RAB27A: variants seen among roughly 807,000 people sequenced by gnomAD.
RAB27A encodes the protein ras-related protein Rab-27A.
In RAB27A, 17 loss-of-function variants were observed where a neutral mutation model predicts 20.8. The observed-to-expected ratio is 0.82, with a 90% CI of 0.56 to 1.23. RAB27A has a LOEUF of 1.23. Ranked by LOEUF, RAB27A falls within the 50% of genes most tolerant of loss-of-function variation. The pLI, the probability that RAB27A is intolerant of heterozygous loss-of-function variation, is 0.00. For missense variants in RAB27A, 277 were observed against 266.7 expected (o/e 1.04, Z -0.27); for synonymous variants, 85 against 92.8 (o/e 0.92, Z 0.48).
chr15:55,303,272 C>T (rs2054982151), intron 2 of RAB27A, among the ~76,000 whole-genome samples: 1 of 112,460 alleles, frequency 8.9e-6, no homozygotes, highest in Non-Finnish European at 1.8e-5. Flanking sequence ...GGGGTCAGCC[C>T]CCCGCCTGGC....
At chr15:55,214,322 G>C (rs1895175324) in intron 6 of RAB27A, among the ~76,000 whole-genome samples, 1 of 152,180 alleles carries the variant, frequency 6.6e-6, no homozygotes, top group Non-Finnish European at 1.5e-5. Context: ...TGTAGTCCCA[G>C]CTACTCGGGA....
intron 2 of RAB27A, among the ~76,000 whole-genome samples, chr15:55,263,599 A>G (rs542350347): frequency 6.6e-6 from 1 of 152,362 alleles, no homozygotes; most frequent in East Asian, 1.9e-4. Context: ...AAAAATGCCA[A>G]GTATCTGAAG....
intron 2 of RAB27A, among the ~76,000 whole-genome samples, chr15:55,238,780 G>T (rs1253208550): frequency 6.6e-6 from 1 of 152,128 alleles, no homozygotes; most frequent in East Asian, 1.9e-4. Flanking sequence ...ATCCTTTTTG[G>T]CTGGTTCTAA....
At chr15:55,232,993 C>T (rs1337865104) in intron 3 of RAB27A, among the ~76,000 whole-genome samples, 5 of 151,980 alleles carry the variant, frequency 3.3e-5, no homozygotes, top group African/African-American at 7.3e-5. Flanking sequence ...GGTGTGGTGG[C>T]GGGTGCCTGT....
At chr15:55,285,890 C>T (rs1898138912) in intron 1 of RAB27A, among the ~76,000 whole-genome samples, 1 of 152,206 alleles carries the variant, frequency 6.6e-6, no homozygotes, top group Non-Finnish European at 1.5e-5. Flanking sequence ...CCAGTTTGCC[C>T]AGGATATAGA....
chr15:55,209,091 A>G (rs73409840), intron 6 of RAB27A, among the ~76,000 whole-genome samples: 16,277 of 152,224 alleles, frequency 0.11, 1,546 homozygotes, highest in African/African-American at 0.26. Context: ...AAAGATAAGT[A>G]TACTTGGGAT....
intron 1 of RAB27A, among the ~76,000 whole-genome samples, chr15:55,288,327 C>A (rs1313637232): frequency 6.6e-6 from 1 of 152,074 alleles, no homozygotes; most frequent in Admixed American, 6.6e-5. Flanking sequence ...TCAAGACCAG[C>A]CTGGCCAACA....
chr15:55,304,875 T>C (rs977694628), intron 2 of RAB27A, among the ~76,000 whole-genome samples: 2 of 152,114 alleles, frequency 1.3e-5, no homozygotes, highest in African/African-American at 4.8e-5. Flanking sequence ...TTGTTTGGTT[T>C]TGTTTTTGCA....
chr15:55,298,971 C>T (rs142766410), intron 2 of RAB27A, among the ~76,000 whole-genome samples: 2 of 152,198 alleles, frequency 1.3e-5, no homozygotes, highest in Non-Finnish European at 2.9e-5. Flanking sequence ...TCAAGGTGCC[C>T]AGATTTCATA....
intron 2 of RAB27A, among the ~76,000 whole-genome samples, chr15:55,265,540 G>T (rs1044249389): frequency 6.6e-6 from 1 of 151,572 alleles, no homozygotes; most frequent in East Asian, 1.9e-4. Context: ...ATCCTTTCAA[G>T]ATAACAGAAA....
At position 55,234,680 on chromosome 15, in the gene RAB27A, G is replaced by T. The variant is rs187471124; in HGVS notation, c.153+102C>A. The T allele has an allele frequency of 1.4e-3, 1,770 of 1,306,232 alleles. 20 individuals carry two copies. Among genetic ancestry groups the T allele is most frequent in the Non-Finnish European group, 2.7e-4 (242 of 912,370 alleles). 80.9% of individuals were successfully genotyped at this position (1,306,232 alleles called of 1,614,324 possible). A position where few individuals can be genotyped will look rare whatever the true frequency, so the allele number is the denominator to read the frequency against. On this transcript the variant is annotated intron_variant, in intron 3 of 6. Transcript: ENST00000336787. ...ACTTTCATATGTACCTTTAATTTCA[G>T]ATCCCAACCTTTGTCCTCCTAATTC...
At chr15:55,311,402 G>A (rs1370179871) in intron 2 of RAB27A, among the ~76,000 whole-genome samples, 2 of 152,090 alleles carry the variant, frequency 1.3e-5, no homozygotes. Context: ...GCATAATCGG[G>A]GAAAATTGCA....
At chr15:55,227,415 T>C (rs1006443206) in intron 5 of RAB27A, among the ~76,000 whole-genome samples, 9 of 152,202 alleles carry the variant, frequency 5.9e-5, no homozygotes, top group African/African-American at 2.2e-4. Flanking sequence ...AAACAGCCAC[T>C]GTCATTCAGC....
intron 6 of RAB27A, among the ~76,000 whole-genome samples, chr15:55,208,425 G>T (rs1481477872): frequency 6.6e-6 from 1 of 152,172 alleles, no homozygotes; most frequent in Non-Finnish European, 1.5e-5. Flanking sequence ...CACAGAACTA[G>T]AGAGTTTCCA....
intron 1 of RAB27A, among the ~76,000 whole-genome samples, chr15:55,276,914 T>C (rs1252766505): frequency 1.3e-5 from 2 of 152,234 alleles, no homozygotes; most frequent in Non-Finnish European, 2.9e-5. Context: ...GATGGTTTCA[T>C]GGGTGAATAA....
chr15:55,302,306 C>A (rs937457353), intron 2 of RAB27A, among the ~76,000 whole-genome samples: 1 of 152,180 alleles, frequency 6.6e-6, no homozygotes, highest in African/African-American at 2.4e-5. Context: ...AGCCCCTAAC[C>A]GCGAGTGATC....
chr15:55,212,848 A>G (rs1304336924), intron 6 of RAB27A, among the ~76,000 whole-genome samples: 1 of 152,158 alleles, frequency 6.6e-6, no homozygotes, highest in Non-Finnish European at 1.5e-5. Context: ...TTAAGTATAC[A>G]TTTGTTTTGT....
At chr15:55,209,793 T>TACGTATACATATATACACAC (rs1894840799) in intron 6 of RAB27A, among the ~76,000 whole-genome samples, 1 of 136,776 alleles carries the variant, frequency 7.3e-6, no homozygotes, top group Non-Finnish European at 1.5e-5. Context: ...CATATGTGTG[T>TACGTATACATATATACACAC]ATGTATACAT....
chr15:55,318,010 C>A, intron 1 of RAB27A: 1 of 318,788 alleles, frequency 3.1e-6, no homozygotes. Context: ...ATAAGGAGTA[C>A]AGGAAGTGAA....
Sources: allele counts gnomAD v4.1 joint callset (sites outside exome capture counted in the v4.1 genomes callset), GRCh38; gene constraint gnomAD v4.1.1; transcripts MANE v1.5; gene names NCBI Gene and HGNC (gene_info 2026-07-23, HGNC 2026-07-21).